FANCA: variants seen among roughly 807,000 people sequenced by gnomAD.
FANCA encodes the protein Fanconi anemia group A protein.
In FANCA, 236 loss-of-function variants were observed where a neutral mutation model predicts 194.3. The observed-to-expected ratio is 1.21, with a 90% CI of 1.09 to 1.35. The LOEUF is 1.35. Among genes scored for constraint, FANCA ranks in the 40% most tolerant of loss-of-function variants. FANCA has a pLI of 0.00. For synonymous variants in FANCA, 1,014 were observed against 715.8 expected, an observed-to-expected ratio of 1.42 and a Z score of -6.65; for missense variants, 2,628 against 1,813.9, an observed-to-expected ratio of 1.45 and a Z score of -8.15.
At chr16:89,774,782 G>C (rs1045071124) in intron 21 of FANCA, among the ~76,000 whole-genome samples, 7 of 140,322 alleles carry the variant, frequency 5.0e-5, no homozygotes, top group African/African-American at 1.8e-4. Flanking sequence ...GGCCCTGCAG[G>C]TGGAAGGGGA....
chr16:89,816,405 C>A, intron 1 of FANCA, 132 bp downstream of exon 1: 4 of 768,666 alleles, frequency 5.2e-6, no homozygotes, highest in Non-Finnish European at 7.2e-6. Context: ...GGGCGCCCAC[C>A]CCGCACAGCC....
chr16:89,752,787 C>A (rs557007836), intron 30 of FANCA, among the ~76,000 whole-genome samples: 2 of 152,186 alleles, frequency 1.3e-5, no homozygotes, highest in African/African-American at 4.8e-5. Context: ...GTGATGCCAG[C>A]GTCTGGGAAG....
At position 89,739,526 on chromosome 16, in the gene FANCA, C is replaced by G. The variant is rs374649848; in HGVS notation, c.3962G>C (p.Arg1321Pro). 2.6e-6 allele frequency: 4 copies of G among 1,551,320 alleles called. No individual in the cohort carries two copies. In the South Asian group the frequency reaches 3.6e-5, roughly 14 times the overall value. The change falls in exon 40 of 43, where the codon CGT becomes CCT. Residue 1321 changes from arginine to proline, a missense_variant. Physicochemically the swap from Arg to Pro is moderately radical, Grantham distance 103. Coordinates refer to ENST00000389301, the MANE Select transcript of FANCA (RefSeq NM_000135.4). Reference protein sequence around the residue: ...SDLRLGRLLLRVAPDQHTRLL... With the variant: ...SDLRLGRLLLPVAPDQHTRLL... The stretch of plus-strand genomic sequence containing the variant: ...CCTGGTGTGCTGATCCGGGGCCACA[C>G]GGAGGAGGAGCCGCCCCAGCCTGAG...
At chr16:89,757,301 C>T (rs1201855596) in intron 30 of FANCA, among the ~76,000 whole-genome samples, 9 of 152,134 alleles carry the variant, frequency 5.9e-5, no homozygotes, top group African/African-American at 4.8e-5. Context: ...AAGGTAACAG[C>T]AGATAAATGG....
At chr16:89,798,979 C>G (rs1047432314) in intron 10 of FANCA, 187 bp downstream of exon 10, 3 of 1,613,660 alleles carry the variant, frequency 1.9e-6, no homozygotes, top group Admixed American at 1.7e-5. Flanking sequence ...CAGGAAAAGG[C>G]TGACCAGAGC....
At chr16:89,795,448 C>T (rs528127365) in intron 11 of FANCA, among the ~76,000 whole-genome samples, 2 of 152,060 alleles carry the variant, frequency 1.3e-5, no homozygotes, top group Non-Finnish European at 2.9e-5. Flanking sequence ...GCCAGCCTGG[C>T]CAACATGGTG....
chr16:89,815,547 G>T (rs1017187740), intron 2 of FANCA, among the ~76,000 whole-genome samples: 1 of 151,738 alleles, frequency 6.6e-6, no homozygotes, highest in African/African-American at 2.4e-5. Context: ...GTAGAGACCG[G>T]GTTTCACTAT....
chr16:89,740,264 G>C, intron 38 of FANCA, 165 bp from the exon 39 acceptor site: 1 of 682,448 alleles, frequency 1.5e-6, no homozygotes, highest in African/African-American at 1.8e-5. Flanking sequence ...CCTCTGGACA[G>C]AAGAGGCTCA....
At chr16:89,752,696 A>G (rs1045611524) in intron 30 of FANCA, among the ~76,000 whole-genome samples, 3 of 152,234 alleles carry the variant, frequency 2.0e-5, no homozygotes, top group Non-Finnish European at 4.4e-5. Flanking sequence ...GAGGGGATAT[A>G]CTGAGGTGTG....
chr16:89,746,647 C>T lies in FANCA; in HGVS notation c.3450G>A (p.Leu1150=), dbSNP rs1266179547. 3.1e-6 allele frequency: 5 copies of T among 1,614,046 alleles called. No homozygotes were observed. The highest frequency in any genetic ancestry group is 4.2e-6 in the Non-Finnish European group (5 of 1,180,038). Residue 1150 remains leucine, a synonymous_variant, in exon 35 of 43, where the codon CTG becomes CTA. Coordinates refer to ENST00000389301, the MANE Select transcript of FANCA (RefSeq NM_000135.4). Reference sequence around the variant, plus strand: ...ACTTGGCCAGTATGAAGTCGACCATCAGGGAGGGGTCTCTGCTCCGCAGAC... The same window carrying T: ...ACTTGGCCAGTATGAAGTCGACCATTAGGGAGGGGTCTCTGCTCCGCAGAC... ...NACLRSRDPS[L]MVDFILAKCQ...
chr16:89,784,285 C>A (rs1208319644), intron 15 of FANCA, among the ~76,000 whole-genome samples: 1 of 151,662 alleles, frequency 6.6e-6, no homozygotes, highest in African/African-American at 2.4e-5. Flanking sequence ...GGTGGGAGAA[C>A]TGCTTGACCT....
chr16:89,752,005 T>G, intron 31 of FANCA, 133 bp downstream of exon 31: 1 of 788,636 alleles, frequency 1.3e-6, no homozygotes, highest in Non-Finnish European at 2.3e-6. Flanking sequence ...CTCCTGACTG[T>G]GTGATCCGCC....
chr16:89,775,827 G>A lies in FANCA; in HGVS notation c.1827-12C>T, dbSNP rs764534451. ...GGATTTTATCTGCTCTGGATCACAGGAAAACAATACAATTAAGTCAGCTAT... is the reference window on the plus strand; with the variant it reads ...GGATTTTATCTGCTCTGGATCACAGAAAAACAATACAATTAAGTCAGCTAT... On this transcript the variant is annotated splice_polypyrimidine_tract_variant and intron_variant, in intron 20 of 42. Transcript: ENST00000389301. 6.3e-7 allele frequency: 1 copy of A among 1,596,366 alleles called. No homozygotes were observed. Among genetic ancestry groups the A allele is most frequent in the Non-Finnish European group, 8.6e-7 (1 of 1,165,968 alleles).
chr16:89,760,621 A>C (rs2038921138), intron 29 of FANCA, among the ~76,000 whole-genome samples: 1 of 152,004 alleles, frequency 6.6e-6, no homozygotes, highest in Admixed American at 6.6e-5. Flanking sequence ...TGGGCTCCCT[A>C]CTCCTATGCC....
intron 21 of FANCA, 68 bp downstream of exon 21, chr16:89,775,674 C>G (rs894964143): frequency 6.8e-6 from 9 of 1,323,472 alleles, no homozygotes; most frequent in Admixed American, 5.8e-5. Context: ...TGTAGCACAA[C>G]AGACACTCAA....
chr16:89,742,405 C>CT lies in FANCA; in HGVS notation c.3765+394dup, dbSNP rs2062155579. On this transcript the variant is annotated intron_variant, in intron 37 of 42. Coordinates refer to ENST00000389301, the MANE Select transcript of FANCA (RefSeq NM_000135.4). ...CCCAGAAGAGGCTGCAGTGAGCTGA[C>CT]TGCACCACTGCACTCCAGCCTGGGC... is the stretch of plus-strand genomic sequence containing the variant. Among the ~76,000 whole-genome samples the CT allele has an allele frequency of 3.9e-5, 6 of 152,008 alleles. No homozygotes were observed. The South Asian group carries it at 1.3e-3, about 32-fold the overall frequency.
intron 40 of FANCA, 63 bp downstream of exon 40, chr16:89,739,399 TCTGGCGGGACCCAGAG>T: frequency 6.4e-7 from 1 of 1,569,826 alleles, no homozygotes; most frequent in Non-Finnish European, 8.7e-7. Flanking sequence ...ACCCTTCCCA[TCTGGCGGGACCCAGAG>T]GTGCTGAGAT....
rs375508301 is a variant in FANCA at position 89,739,058 on chromosome 16, CG to C, written c.4167+74del. On this transcript the variant is annotated intron_variant, in intron 41 of 42. Transcript: ENST00000389301. ...GTCCCCCATAGTCTGCATGCTGTGC[CG>C]GAACATTCTTTGGCAGAAGGAGCCT... 50 of 1,613,824 alleles carry C rather than the reference CG, an allele frequency of 3.1e-5. No individual in the cohort carries two copies. The African/African-American group carries it at 5.7e-4, about 19-fold the overall frequency.
intron 20 of FANCA, 100 bp from the exon 21 acceptor site, chr16:89,775,915 TA>T: frequency 1.4e-6 from 1 of 701,604 alleles, no homozygotes; most frequent in Non-Finnish European, 2.4e-6. Context: ...ATATTAAATT[TA>T]AATAAATTAT....
Sources: allele counts gnomAD v4.1 joint callset (sites outside exome capture counted in the v4.1 genomes callset), GRCh38; gene constraint gnomAD v4.1.1; transcripts MANE v1.5; gene names NCBI Gene and HGNC (gene_info 2026-07-23, HGNC 2026-07-21).